The following PTBP3 variants were observed in gnomAD, a reference collection of about 807,000 sequenced individuals.
PTBP3 encodes the protein polypyrimidine tract-binding protein 3.
A neutral mutation model predicts 58.7 loss-of-function variants in PTBP3; 20 were observed. That is an observed-to-expected ratio of 0.34 (90% CI 0.24 to 0.50). PTBP3 has a LOEUF of 0.50. Among genes scored for constraint, PTBP3 ranks in the 20% least tolerant of loss-of-function variants. PTBP3 has a pLI of 0.98. For synonymous variants in PTBP3, 185 were observed against 219.8 expected (o/e 0.84, Z 1.40); for missense variants, 509 against 637.2 (o/e 0.80, Z 2.17).
chr9:112,300,915 G>C (rs1228201192), intron 1 of PTBP3, among the ~76,000 whole-genome samples: 1 of 152,054 alleles, frequency 6.6e-6, no homozygotes, highest in African/African-American at 2.4e-5. Flanking sequence ...GGGCAACATA[G>C]GGAGACCCCA....
At chr9:112,251,363 G>T (rs747027809) in intron 6 of PTBP3, among the ~76,000 whole-genome samples, 3 of 152,094 alleles carry the variant, frequency 2.0e-5, no homozygotes, top group African/African-American at 4.8e-5. Context: ...AATAAGAGAG[G>T]AGAAATGTAA....
chr9:112,368,766 G>A, the PTBP3 span, among the ~76,000 whole-genome samples: 9 of 152,182 alleles, frequency 5.9e-5, no homozygotes, highest in South Asian at 6.2e-4. Context: ...CATAAGTAAC[G>A]AGGAGCCAAA....
chr9:112,288,206 T>C lies in PTBP3; in HGVS notation c.34+9626A>G, dbSNP rs994696492. 3.1e-4 allele frequency among the ~76,000 whole-genome samples: 47 copies of C among 152,164 alleles called. 1 individual carries two copies. Among genetic ancestry groups the C allele is most frequent in the Non-Finnish European group, 7.4e-5 (5 of 68,024 alleles). Reference sequence around the variant, plus strand: ...CAGGTGCCCTTGAGTGTGCTTCAAGTATTCAACAAGGACTCTCTGTTGTAG... The same window carrying C: ...CAGGTGCCCTTGAGTGTGCTTCAAGCATTCAACAAGGACTCTCTGTTGTAG... On this transcript the variant is annotated intron_variant, in intron 2 of 13. Transcript: ENST00000374257.
chr9:112,294,491 C>G (rs1828582898), intron 2 of PTBP3, among the ~76,000 whole-genome samples: 1 of 152,120 alleles, frequency 6.6e-6, no homozygotes, highest in African/African-American at 2.4e-5. Context: ...GGACTCCAGG[C>G]TAGAAAACAG....
At chr9:112,225,029 C>G (rs1443577225) in intron 12 of PTBP3, among the ~76,000 whole-genome samples, 1 of 152,208 alleles carries the variant, frequency 6.6e-6, no homozygotes, top group Non-Finnish European at 1.5e-5. Context: ...AGCTAAGCCA[C>G]TTCTAGATTC....
chr9:112,268,141 T>C lies in PTBP3; in HGVS notation c.259A>G (p.Thr87Ala), dbSNP rs571670669. Residue 87 changes from threonine to alanine, a missense_variant, in exon 4 of 14, where the codon ACT becomes GCT. Thr to Ala is a moderately conservative substitution (Grantham distance 58). This residue lies in a region of PTBP3 where 212 missense variants were observed against 215.3 expected (regional missense o/e 0.98). Transcript: ENST00000374257. ...EAAVTMVNYY[T>A]PITPHLRSQP... is the part of the protein sequence containing the mutation. ...CTTCGAAGGTGAGGAGTAATAGGAG[T>C]GTAATAATTCACCATAGTAACGGCA... The C allele has an allele frequency of 7.4e-6, 12 of 1,613,252 alleles. No homozygotes were observed. The South Asian group carries it at 1.2e-4, about 16-fold the overall frequency.
chr9:112,329,092 C>G (rs1270401270), intron 1 of PTBP3, among the ~76,000 whole-genome samples: 2 of 152,134 alleles, frequency 1.3e-5, no homozygotes, highest in African/African-American at 2.4e-5. Flanking sequence ...CAGATGAGCA[C>G]TGTTTACTTA....
chr9:112,342,369 A>G, the PTBP3 span, among the ~76,000 whole-genome samples: 2 of 152,230 alleles, frequency 1.3e-5, no homozygotes, highest in African/African-American at 4.8e-5. Context: ...TCTAGAGAAC[A>G]CTGACTAATA....
chr9:112,298,493 A>G (rs562730780), intron 1 of PTBP3: 2 of 487,720 alleles, frequency 4.1e-6, no homozygotes, highest in Non-Finnish European at 4.0e-6. Flanking sequence ...TGGCAACACT[A>G]AAAAGTAACT....
chr9:112,282,822 G>A (rs1466373634), intron 2 of PTBP3, among the ~76,000 whole-genome samples: 1 of 152,070 alleles, frequency 6.6e-6, no homozygotes, highest in East Asian at 1.9e-4. Context: ...GTTTGGCTGT[G>A]TCCCCACCCA....
chr9:112,281,903 G>GA (rs1827884954), intron 2 of PTBP3, among the ~76,000 whole-genome samples: 1 of 152,006 alleles, frequency 6.6e-6, no homozygotes, highest in Non-Finnish European at 1.5e-5. Flanking sequence ...GCTTAAACAA[G>GA]AAAAATTTAT....
Position 112,275,876 on chromosome 9 carries a change from T to C in PTBP3, c.172A>G (p.Thr58Ala). Reference sequence around the variant, plus strand: ...TTTCCTTTCAACATCAAAAGATTAGTTACTTTGCCAAATGGTAGACCTAAT... The same window carrying C: ...TTTCCTTTCAACATCAAAAGATTAGCTACTTTGCCAAATGGTAGACCTAAT... ...ISLGLPFGKV[T>A]NLLMLKGKSQ... The change falls in exon 3 of 14, where the codon ACT becomes GCT. Residue 58 changes from threonine (T) to alanine (A), a missense_variant. Thr to Ala is a moderately conservative substitution (Grantham distance 58). This residue lies in a region of PTBP3 where 212 missense variants were observed against 215.3 expected (regional missense o/e 0.98). Transcript: ENST00000374257. 6.2e-7 allele frequency: 1 copy of C among 1,613,684 alleles called. No homozygotes were observed. Among genetic ancestry groups the C allele is most frequent in the East Asian group, 2.2e-5 (1 of 44,858 alleles).
the PTBP3 span, among the ~76,000 whole-genome samples, chr9:112,354,885 A>G: frequency 6.6e-6 from 1 of 152,144 alleles, no homozygotes; most frequent in Non-Finnish European, 1.5e-5. Flanking sequence ...GAGCAGGGGT[A>G]AAGTTACATT....
At chr9:112,263,093 G>C (rs181487526) in intron 4 of PTBP3, among the ~76,000 whole-genome samples, 1 of 152,168 alleles carries the variant, frequency 6.6e-6, no homozygotes, top group African/African-American at 2.4e-5. Flanking sequence ...CAGGGGGAGG[G>C]AGCGTTGATC....
In PTBP3 at chr9:112,227,543, C is replaced by T. The variant is rs781074388; in HGVS notation, c.1232G>A (p.Arg411Gln). Residue 411 changes from arginine to glutamine, a missense_variant, in exon 12 of 14, where the codon CGA becomes CAA. Transcript: ENST00000374257. The part of the protein sequence containing the change: ...LSKHQAVQLP[R>Q]EGQEDQGLTK... ...CAGACCTTGGTCTTCTTGTCCCTCT[C>T]GAGGAAGCTGTACTGCTTGATGTTT... is the stretch of plus-strand genomic sequence containing the variant. 5 of 1,613,884 alleles carry T rather than the reference C, an allele frequency of 3.1e-6. No homozygotes were observed. Among genetic ancestry groups the T allele is most frequent in the Middle Eastern group, 1.7e-4 (1 of 6,060 alleles).
intron 2 of PTBP3, among the ~76,000 whole-genome samples, chr9:112,277,981 T>C (rs1827699342): frequency 6.7e-6 from 1 of 148,402 alleles, no homozygotes; most frequent in South Asian, 2.1e-4. Context: ...CATAACATAA[T>C]GTATATCATG....
At chr9:112,275,743 T>C (rs988291580) in intron 3 of PTBP3, 101 bp downstream of exon 3, 9 of 1,143,168 alleles carry the variant, frequency 7.9e-6, no homozygotes, top group South Asian at 1.8e-5. Context: ...GTTCATAGTA[T>C]GAAATTTTAA....
Position 112,333,456 on chromosome 9 carries a change from C to T in PTBP3, c.-52+14G>A, listed in dbSNP as rs762505727. ...AGGCAACCCGGTGCGGCCGCCGCGC[C>T]GCCTAGTACTTACCCATCCATGGCC... On this transcript the variant is annotated intron_variant, in intron 1 of 13. Transcript: ENST00000374257. The T allele has an allele frequency of 1.9e-6, 3 of 1,574,890 alleles. No homozygotes were observed. In the African/African-American group the frequency reaches 4.2e-5, roughly 22 times the overall value.
chr9:112,377,363 A>G, the PTBP3 span, among the ~76,000 whole-genome samples: 5 of 152,164 alleles, frequency 3.3e-5, no homozygotes, highest in Non-Finnish European at 5.9e-5. Flanking sequence ...AAAACAAAAC[A>G]AAACGAAACA....
Sources: allele counts gnomAD v4.1 joint callset (sites outside exome capture counted in the v4.1 genomes callset), GRCh38; gene constraint gnomAD v4.1.1; regional missense constraint gnomAD v4.1.1; transcripts MANE v1.5; gene names NCBI Gene and HGNC (gene_info 2026-07-23, HGNC 2026-07-21).